The following PLSCR5 variants were observed in gnomAD, a reference collection of about 807,000 sequenced individuals.
PLSCR5 encodes phospholipid scramblase family member 5.
A neutral mutation model predicts 33.6 loss-of-function variants in PLSCR5; 44 were observed. The observed-to-expected ratio is 1.31, with a 90% confidence interval of 1.03 to 1.69. The LOEUF (loss-of-function observed/expected upper bound fraction) is 1.69. PLSCR5 is among the 40% of genes most tolerant of loss of function. The probability of loss-of-function intolerance (pLI) is 0.00; values close to 1 mark genes in which losing one functional copy is unlikely to be tolerated. For missense variants in PLSCR5, 375 were observed against 318.7 expected (o/e 1.18, Z -1.34); for synonymous variants, 148 against 112.3 (o/e 1.32, Z -2.01).
At chr3:146,590,996 T>G (rs200144778) in intron 5 of PLSCR5, among the ~76,000 whole-genome samples, 2 of 68,866 alleles carry the variant, frequency 2.9e-5, no homozygotes, top group Middle Eastern at 6.6e-3. Context: ...GGTTTTTTTT[T>G]GTTTTTTTTT....
chr3:146,577,629 A>C (rs755829651), intron 7 of PLSCR5, among the ~76,000 whole-genome samples: 30 of 152,136 alleles, frequency 2.0e-4, no homozygotes, highest in Non-Finnish European at 3.7e-4. Context: ...ACTGTCCATC[A>C]ATTCAGTCTG....
intron 3 of PLSCR5, among the ~76,000 whole-genome samples, chr3:146,594,794 TAATGTCAG>T (rs1253896612): frequency 6.6e-6 from 1 of 152,136 alleles, no homozygotes; most frequent in Non-Finnish European, 1.5e-5. Context: ...AAAGTATATG[TAATGTCAG>T]AATTTGAATG....
At position 146,600,424 on chromosome 3, in the gene PLSCR5, G is replaced by A. The variant is rs200100738; in HGVS notation, c.53C>T (p.Pro18Leu). 252 of 1,604,398 alleles carry A rather than the reference G, an allele frequency of 1.6e-4. No individual in the cohort carries two copies. In the Middle Eastern group the frequency reaches 4.2e-3, roughly 26 times the overall value. ...NQRRGLPGFL[P>L]GAPDPDQSLP... ...GCTTTGGTCTGGGTCTGGAGCTCCA[G>A]GAAGAAAACCAGGCAGACCTCTTCT... Residue 18 changes from proline (P) to leucine (L), a missense_variant, in exon 2 of 8, where the codon CCT becomes CTT. Physicochemically the swap from Pro to Leu is moderately conservative, Grantham distance 98. Coordinates refer to ENST00000443512, the MANE Select transcript of PLSCR5 (RefSeq NM_001085420.2).
chr3:146,583,915 C>T (rs1362149141), downstream of PLSCR5, among the ~76,000 whole-genome samples: 1 of 152,082 alleles, frequency 6.6e-6, no homozygotes. Context: ...GCTGTTGCTG[C>T]TATGACATCA....
intron 2 of PLSCR5, among the ~76,000 whole-genome samples, chr3:146,597,265 T>A (rs1032875476): frequency 6.6e-6 from 1 of 152,144 alleles, no homozygotes; most frequent in African/African-American, 2.4e-5. Flanking sequence ...CTGTGCTAGA[T>A]GTTTAGACAG....
chr3:146,580,441 G>C (rs2044625787), intron 7 of PLSCR5, among the ~76,000 whole-genome samples: 1 of 142,258 alleles, frequency 7.0e-6, no homozygotes, highest in African/African-American at 2.7e-5. Context: ...TTGACTCAGA[G>C]CCTTTGAATT....
At position 146,600,363 on chromosome 3, in the gene PLSCR5, C is replaced by T; in HGVS notation, c.114G>A (p.Trp38Ter). Reference sequence around the variant, plus strand: ...TGCTTGGCAGAGGGAGACTCAGCTGCCATGCTTGGTTCCCTGGATTGGAAG... The same window carrying T: ...TGCTTGGCAGAGGGAGACTCAGCTGTCATGCTTGGTTCCCTGGATTGGAAG... ...PASSNPGNQA[W>*]QLSLPLPSSF... Residue 38 changes from tryptophan to a stop codon, truncating the protein, a stop_gained, in exon 2 of 8, where the codon TGG (tryptophan) becomes TGA (stop). Coordinates refer to ENST00000443512, the MANE Select transcript of PLSCR5 (RefSeq NM_001085420.2). LOFTEE classifies it high-confidence loss of function. The T allele has an allele frequency of 6.2e-7, 1 of 1,609,276 alleles. No homozygotes were observed. The highest frequency in any genetic ancestry group is 8.5e-7 in the Non-Finnish European group (1 of 1,177,532).
chr3:146,602,683 C>G (rs1000416882), intron 1 of PLSCR5, among the ~76,000 whole-genome samples: 1 of 151,966 alleles, frequency 6.6e-6, no homozygotes, highest in African/African-American at 2.4e-5. Context: ...TAGATTCTCT[C>G]TCATTGTAAA....
Position 146,605,300 on chromosome 3 carries a change from C to A in PLSCR5, c.-88G>T, listed in dbSNP as rs952338983. 5.6e-6 allele frequency: 9 copies of A among 1,598,888 alleles called. No individual in the cohort carries two copies. The African/African-American group carries it at 1.1e-4, about 19-fold the overall frequency. On this transcript the variant is annotated 5_prime_UTR_variant, in exon 1 of 8. Transcript: ENST00000443512. ...CAGCAAGGAGAGAAAACGCAGCATG[C>A]ACAAAACTTCAGAACGTGTTTGTCT...
downstream of PLSCR5, among the ~76,000 whole-genome samples, chr3:146,581,586 A>G (rs752211298): frequency 6.6e-6 from 1 of 152,214 alleles, no homozygotes; most frequent in African/African-American, 2.4e-5. Flanking sequence ...TTTCAAAAAT[A>G]TTAGCTAAAT....
rs183974984 is a variant in PLSCR5 at position 146,587,448 on chromosome 3, G to A, written c.778-1336C>T. ...GCTTGTTATGTAAAATAGGTGAGTAGGGCAGATTAAAAAGGATCTATTTCT... is the reference window on the plus strand; with the variant it reads ...GCTTGTTATGTAAAATAGGTGAGTAAGGCAGATTAAAAAGGATCTATTTCT... On this transcript the variant is annotated intron_variant, in intron 6 of 7. Coordinates refer to ENST00000443512, the MANE Select transcript of PLSCR5 (RefSeq NM_001085420.2). Among the ~76,000 whole-genome samples, 324 of 152,262 alleles carry A rather than the reference G, an allele frequency of 2.1e-3. 1 individual carries two copies. In the Middle Eastern group the frequency reaches 0.024, roughly 11 times the overall value.
chr3:146,595,387 G>A (rs1663363064), intron 2 of PLSCR5, among the ~76,000 whole-genome samples: 1 of 152,154 alleles, frequency 6.6e-6, no homozygotes, highest in Admixed American at 6.6e-5. Context: ...GGAGGTCAAG[G>A]TAGGCAGATT....
Position 146,600,482 on chromosome 3 carries a change from C to T in PLSCR5, c.14-19G>A. ...TGGGCATCTGCAAGAGAATGGAAATCCCAATCCATATTTAAATTTAGGCCA... is the reference window on the plus strand; with the variant it reads ...TGGGCATCTGCAAGAGAATGGAAATTCCAATCCATATTTAAATTTAGGCCA... On this transcript the variant is annotated intron_variant, in intron 1 of 7. Coordinates refer to ENST00000443512, the MANE Select transcript of PLSCR5 (RefSeq NM_001085420.2). The T allele has an allele frequency of 1.9e-6, 3 of 1,546,446 alleles. No individual in the cohort carries two copies. The highest frequency in any genetic ancestry group is 2.5e-5 in the South Asian group (2 of 80,968).
downstream of PLSCR5, chr3:146,585,780 C>T (rs995547550): frequency 1.0e-5 from 2 of 200,516 alleles, no homozygotes; most frequent in African/African-American, 2.3e-5. Context: ...CTCAAAGCAA[C>T]CTTGTGCTCA....
intron 6 of PLSCR5, 97 bp from the exon 7 acceptor site, chr3:146,586,209 T>C: frequency 8.5e-7 from 1 of 1,176,992 alleles, no homozygotes; most frequent in Non-Finnish European, 1.1e-6. Flanking sequence ...AAAGCAATTA[T>C]ATTTCCAGTG....
intron 7 of PLSCR5, among the ~76,000 whole-genome samples, chr3:146,579,633 G>A (rs2044620306): frequency 6.6e-6 from 1 of 152,178 alleles, no homozygotes; most frequent in African/African-American, 2.4e-5. Flanking sequence ...GCTTCGGAAA[G>A]ATATTGTTTT....
intron 4 of PLSCR5, among the ~76,000 whole-genome samples, chr3:146,593,611 A>G (rs993255856): frequency 5.9e-5 from 9 of 152,158 alleles, no homozygotes; most frequent in African/African-American, 1.7e-4. Flanking sequence ...TATATGCCCA[A>G]TGGTGGAACC....
chr3:146,602,057 T>A (rs1194466484), intron 1 of PLSCR5, among the ~76,000 whole-genome samples: 5 of 152,156 alleles, frequency 3.3e-5, no homozygotes, highest in South Asian at 2.1e-4. Flanking sequence ...CCAAATGGAA[T>A]AACTTGTCAA....
At chr3:146,583,264 A>G (rs1310535609), downstream of PLSCR5, among the ~76,000 whole-genome samples, 1 of 152,142 alleles carries the variant, frequency 6.6e-6, no homozygotes, top group Non-Finnish European at 1.5e-5. Context: ...AACTGTTACC[A>G]CTGTAAGAGA....
Sources: gnomAD v4.1 joint callset for allele counts (sites outside exome capture counted in the v4.1 genomes callset) on GRCh38, gnomAD v4.1.1 for gene constraint, MANE v1.5 for transcripts, NCBI Gene and HGNC (gene_info 2026-07-23, HGNC 2026-07-21) for gene names.